NME5: variants seen among roughly 807,000 people sequenced by gnomAD.
The protein encoded by NME5 is NME/NM23 family member 5.
In NME5, 18 loss-of-function variants were observed where a neutral mutation model predicts 21.6. That is an observed-to-expected ratio of 0.83 (90% CI 0.58 to 1.24). NME5 has a LOEUF of 1.24. NME5 is among the 50% of genes most tolerant of loss of function. The pLI is 0.00. For missense variants in NME5, 223 were observed against 255.4 expected, an observed-to-expected ratio of 0.87 and a Z score of 0.86; for synonymous variants, 70 against 80.6, an observed-to-expected ratio of 0.87 and a Z score of 0.71.
At chr5:138,127,752 A>G (rs901111322) in intron 4 of NME5, 2 of 845,846 alleles carry the variant, frequency 2.4e-6, no homozygotes, top group African/African-American at 3.7e-5. Context: ...TCTCAATTGC[A>G]TGAGACTTTG....
At chr5:138,127,560 C>A in intron 4 of NME5, 1 of 983,354 alleles carries the variant, frequency 1.0e-6, no homozygotes, top group South Asian at 4.7e-5. Context: ...TAAAAAAATC[C>A]AAAATTTTGC....
intron 4 of NME5, among the ~76,000 whole-genome samples, chr5:138,127,236 T>C (rs1053650485): frequency 1.3e-5 from 2 of 152,144 alleles, no homozygotes; most frequent in African/African-American, 4.8e-5. Flanking sequence ...TGGAGAAAAG[T>C]TGTCAGCCCA....
chr5:138,134,354 C>T (rs1751641866), intron 2 of NME5, among the ~76,000 whole-genome samples: 1 of 152,170 alleles, frequency 6.6e-6, no homozygotes, highest in South Asian at 2.1e-4. Flanking sequence ...AGCGATTCTC[C>T]TGCCTCAGCC....
chr5:138,133,351 C>T (rs1225473665), intron 2 of NME5, among the ~76,000 whole-genome samples: 1 of 151,796 alleles, frequency 6.6e-6, no homozygotes, highest in Non-Finnish European at 1.5e-5. Context: ...CATGATCTGC[C>T]GCCTCGGCCT....
intron 4 of NME5, among the ~76,000 whole-genome samples, chr5:138,122,535 T>C (rs532304669): frequency 1.1e-4 from 16 of 151,744 alleles, no homozygotes; most frequent in African/African-American, 3.6e-4. Context: ...TACAGCTTTA[T>C]TGAAGTATTA....
chr5:138,126,237 C>A (rs1368057781), intron 4 of NME5, among the ~76,000 whole-genome samples: 1 of 152,120 alleles, frequency 6.6e-6, no homozygotes, highest in East Asian at 1.9e-4. Flanking sequence ...GGCACAGTGG[C>A]ACAGTGGCTC....
In NME5 at chr5:138,115,682, T is replaced by A. The variant is rs199625446; in HGVS notation, c.638A>T (p.Ter213LeuextTer10). ...TTTGTTCTTTCGAGGATTTTTTTTT[T>A]AATAAGGTTCTTCTACAATTGGATG... ...CHHPIVEEPY* is the reference protein window; with the variant it reads ...CHHPIVEEPYL The change falls in exon 6 of 6, where the codon TAA (stop) becomes TTA (leucine). Residue 213 changes from the stop codon to leucine, a stop_lost. Transcript: ENST00000265191. 115 of 1,555,792 alleles carry A rather than the reference T, an allele frequency of 7.4e-5. 1 individual carries two copies. The highest frequency in any genetic ancestry group is 2.3e-4 in the East Asian group (10 of 44,126).
intron 1 of NME5, chr5:138,138,997 C>T (rs1278575910): frequency 2.4e-6 from 1 of 415,074 alleles, no homozygotes; most frequent in Non-Finnish European, 4.2e-6. Context: ...AATCGAGCCC[C>T]GGCTTTTCGT....
Position 138,129,166 on chromosome 5 carries a change from TA to T in NME5, c.335+96del, listed in dbSNP as rs201748054. The T allele has an allele frequency of 4.9e-3, 4,659 of 957,032 alleles. 6 individuals carry two copies. The highest frequency in any genetic ancestry group is 0.019 in the East Asian group (615 of 32,972). The allele number at this position is 957,032 out of a possible 1,614,324, so 59.3% of individuals were successfully genotyped here. A position where few individuals can be genotyped will look rare whatever the true frequency, so the allele number is the denominator to read the frequency against. ...AAGTTGATTTTGGAAAACTTCCAAA[TA>T]AAAAAAAAATTCCCATTACAATGAA... On this transcript the variant is annotated intron_variant, in intron 3 of 5. Transcript: ENST00000265191.
chr5:138,116,949 T>C (rs77918221), intron 5 of NME5, among the ~76,000 whole-genome samples: 132 of 152,274 alleles, frequency 8.7e-4, no homozygotes, highest in African/African-American at 3.0e-3. Context: ...GACTCACACC[T>C]GTGATCCCAA....
In NME5 at chr5:138,118,831, G is replaced by C. The variant is rs774472782; in HGVS notation, c.542C>G (p.Pro181Arg). The C allele has an allele frequency of 7.1e-5, 114 of 1,602,964 alleles. No individual in the cohort carries two copies. Among genetic ancestry groups the C allele is most frequent in the Admixed American group, 1.7e-4 (10 of 59,910 alleles). ...EGLTELCKQKPADPLIWLADW... is the reference protein window; with the variant it reads ...EGLTELCKQKRADPLIWLADW... Reference sequence around the variant, plus strand: ...AATATTTCTTACCAAAGGATCTGCTGGTTTTTGCTTACAAAGCTCTGTGAG... The same window carrying C: ...AATATTTCTTACCAAAGGATCTGCTCGTTTTTGCTTACAAAGCTCTGTGAG... Residue 181 changes from proline (P) to arginine (R), a missense_variant, in exon 5 of 6, where the codon CCA becomes CGA. By Grantham distance (103) the Pro-to-Arg change is moderately radical (BLOSUM62 -2). Coordinates refer to ENST00000265191, the MANE Select transcript of NME5 (RefSeq NM_003551.3).
rs780689394 is a variant in NME5 at position 138,138,774 on chromosome 5, T to G, written c.7A>C (p.Ile3Leu). The G allele has an allele frequency of 6.2e-7, 1 of 1,608,202 alleles. No homozygotes were observed. Among genetic ancestry groups the G allele is most frequent in the East Asian group, 2.2e-5 (1 of 44,822 alleles). ME[I>L]SMPPPQIYVE... is the part of the protein sequence containing the mutation. ...TATATCTGAGGTGGAGGCATTGATA[T>G]CTCCATTATGGCTTTTCAGGGCACA... is the stretch of plus-strand genomic sequence containing the variant. The change falls in exon 2 of 6, where the codon ATA becomes CTA. Residue 3 changes from isoleucine (I) to leucine (L), a missense_variant. Transcript: ENST00000265191.
At chr5:138,123,278 A>G (rs542293836) in intron 4 of NME5, among the ~76,000 whole-genome samples, 10 of 152,278 alleles carry the variant, frequency 6.6e-5, no homozygotes, top group Admixed American at 5.9e-4. Context: ...CTGTCTTAGC[A>G]ATTTTCAACA....
At chr5:138,133,851 G>T (rs767906260) in intron 2 of NME5, among the ~76,000 whole-genome samples, 5 of 152,208 alleles carry the variant, frequency 3.3e-5, no homozygotes, top group Non-Finnish European at 7.3e-5. Flanking sequence ...CAACGAGTTA[G>T]CATTAGGTAG....
At chr5:138,115,831 A>G (rs1327938389) in intron 5 of NME5, 67 bp from the exon 6 acceptor site, 1 of 1,018,514 alleles carries the variant, frequency 9.8e-7, no homozygotes, top group East Asian at 2.5e-5. Context: ...TATATACTAT[A>G]TCAATTGGAA....
intron 5 of NME5, among the ~76,000 whole-genome samples, chr5:138,117,222 A>G (rs1489838805): frequency 6.6e-6 from 1 of 151,170 alleles, no homozygotes; most frequent in African/African-American, 2.4e-5. Flanking sequence ...AAAAAAAAAA[A>G]AAAAGGAAAG....
At chr5:138,115,802 GT>G in intron 5 of NME5, 38 bp from the exon 6 acceptor site, 1 of 1,397,798 alleles carries the variant, frequency 7.2e-7, no homozygotes, top group Non-Finnish European at 9.8e-7. Context: ...TTAAGAAACA[GT>G]TACATATTTC....
Position 138,129,290 on chromosome 5 carries a change from A to G in NME5, c.308T>C (p.Leu103Ser). 1 of 1,613,506 alleles carries G rather than the reference A, an allele frequency of 6.2e-7. No homozygotes were observed. The highest frequency in any genetic ancestry group is 2.2e-5 in the East Asian group (1 of 44,866). ...WLELLGPNNS[L>S]VAKETHPDSL... Reference sequence around the variant, plus strand: ...GTCTGGATGTGTCTCCTTCGCTACTAAGCTATTATTTGGTCCCAAAAGTTC... The same window carrying G: ...GTCTGGATGTGTCTCCTTCGCTACTGAGCTATTATTTGGTCCCAAAAGTTC... Residue 103 changes from leucine (L) to serine (S), a missense_variant, in exon 3 of 6, where the codon TTA (leucine) becomes TCA (serine). Coordinates refer to ENST00000265191, the MANE Select transcript of NME5 (RefSeq NM_003551.3).
intron 2 of NME5, among the ~76,000 whole-genome samples, chr5:138,132,939 C>A (rs1463699935): frequency 6.6e-6 from 1 of 150,926 alleles, no homozygotes; most frequent in Non-Finnish European, 1.5e-5. Context: ...TGCGTATTAG[C>A]GTTTTTTTTT....
Sources: allele counts gnomAD v4.1 joint callset (sites outside exome capture counted in the v4.1 genomes callset), GRCh38; gene constraint gnomAD v4.1.1; transcripts MANE v1.5; gene names NCBI Gene and HGNC (gene_info 2026-07-23, HGNC 2026-07-21).